The following GABRA3 variants were observed in gnomAD, a reference collection of about 807,000 sequenced individuals.
GABRA3 encodes gamma-aminobutyric acid type A receptor subunit alpha3, also known as gamma-aminobutyric acid receptor subunit alpha-3.
A neutral mutation model predicts 30.1 loss-of-function variants in GABRA3; 10 were observed. That is an observed-to-expected ratio of 0.33 (90% CI 0.20 to 0.56). The LOEUF is 0.56. GABRA3 is among the 20% of genes least tolerant of loss of function. The pLI, the probability that GABRA3 is intolerant of heterozygous loss-of-function variation, is 0.89. For missense variants in GABRA3, 233 were observed against 392.0 expected (o/e 0.59, Z 3.42); for synonymous variants, 151 against 146.8 (o/e 1.03, Z -0.21).
chrX:152,275,256 A>ATT (rs1939041908), intron 4 of GABRA3, among the ~76,000 whole-genome samples: 1 of 48,133 alleles, frequency 2.1e-5, no homozygotes, highest in African/African-American at 1.5e-4. Context: ...TATATAATAA[A>ATT]ATATATATAA....
rs761517191 is a variant in GABRA3, at chrX:152,420,768, T to C, written c.-27+30378A>G. On this transcript the variant is annotated intron_variant, in intron 1 of 9. Transcript: ENST00000370314. ...TATCCACATAGAAATGAATAACTCT[T>C]GAATACTACCACACATCATACAAAT... Among the ~76,000 whole-genome samples, 6 of 111,323 alleles carry C rather than the reference T, an allele frequency of 5.4e-5. No homozygotes were observed. In the East Asian group the frequency reaches 1.7e-3, roughly 32 times the overall value.
intron 7 of GABRA3, among the ~76,000 whole-genome samples, chrX:152,199,098 C>G (rs755479773): frequency 7.2e-5 from 8 of 111,032 alleles, no homozygotes; most frequent in African/African-American, 2.6e-4. Context: ...TGCGGTGGCT[C>G]AAGCCTGCCT....
intron 1 of GABRA3, among the ~76,000 whole-genome samples, chrX:152,414,988 A>G (rs978424697): frequency 9.1e-6 from 1 of 110,340 alleles, no homozygotes; most frequent in Non-Finnish European, 1.9e-5. Flanking sequence ...GACTAAAAAG[A>G]TTAGTGGTTG....
intron 7 of GABRA3, among the ~76,000 whole-genome samples, chrX:152,200,276 G>A (rs1222508919): frequency 1.8e-5 from 2 of 111,444 alleles, no homozygotes; most frequent in Non-Finnish European, 3.8e-5. Context: ...GGATTCCCAA[G>A]TGAGGCAATT....
At chrX:152,337,226 T>C (rs1476999276) in intron 3 of GABRA3, among the ~76,000 whole-genome samples, 1 of 111,934 alleles carries the variant, frequency 8.9e-6, no homozygotes, top group Non-Finnish European at 1.9e-5. Context: ...TTCAAATTTT[T>C]CACTCCTAGC....
At chrX:152,276,772 A>G (rs1349389390) in intron 4 of GABRA3, among the ~76,000 whole-genome samples, 1 of 107,966 alleles carries the variant, frequency 9.3e-6, no homozygotes, top group Admixed American at 9.7e-5. Flanking sequence ...TACACATGCT[A>G]TGGATGAGTT....
chrX:152,356,960 A>G (rs1940559638), intron 2 of GABRA3, among the ~76,000 whole-genome samples: 1 of 112,000 alleles, frequency 8.9e-6, no homozygotes, highest in African/African-American at 3.2e-5. Flanking sequence ...TCCATGGTGT[A>G]TATGTACCAC....
chrX:152,174,658 T>A (rs1937049413), intron 9 of GABRA3, among the ~76,000 whole-genome samples: 2 of 111,783 alleles, frequency 1.8e-5, no homozygotes, highest in African/African-American at 6.5e-5. Context: ...TTCTTGTAAA[T>A]TTGTTTGAGT....
At chrX:152,403,551 CGTGT>C (rs1246359719) in intron 1 of GABRA3, among the ~76,000 whole-genome samples, 10 of 73,716 alleles carry the variant, frequency 1.4e-4, no homozygotes, top group African/African-American at 4.0e-4. Context: ...TGTGTGCACA[CGTGT>C]GTGTATGTGC....
At chrX:152,310,461 A>C (rs1245684750) in intron 3 of GABRA3, among the ~76,000 whole-genome samples, 1 of 112,176 alleles carries the variant, frequency 8.9e-6, no homozygotes, top group Admixed American at 9.5e-5. Flanking sequence ...TAAAAATAGA[A>C]ATCAATACCA....
intron 3 of GABRA3, among the ~76,000 whole-genome samples, chrX:152,308,452 A>G (rs776065927): frequency 5.3e-5 from 6 of 112,326 alleles, no homozygotes; most frequent in African/African-American, 1.9e-4. Context: ...CAGCAGGTAC[A>G]TAAGCTTGAG....
At chrX:152,438,485 T>C (rs911568620) in intron 1 of GABRA3, among the ~76,000 whole-genome samples, 1 of 112,415 alleles carries the variant, frequency 8.9e-6, no homozygotes, top group Non-Finnish European at 1.9e-5. Context: ...TGAAAACTTA[T>C]ATCCACACAA....
intron 6 of GABRA3, among the ~76,000 whole-genome samples, chrX:152,212,394 T>G (rs1313183623): frequency 1.0e-5 from 1 of 100,398 alleles, no homozygotes; most frequent in Non-Finnish European, 2.0e-5. Flanking sequence ...GTTTTTATTA[T>G]ATAGTCCCCA....
chrX:152,232,511 A>G lies in GABRA3; in HGVS notation c.552-7666T>C, dbSNP rs1024448120. Among the ~76,000 whole-genome samples the G allele has an allele frequency of 5.1e-4, 56 of 110,071 alleles. 1 individual carries two copies. Among genetic ancestry groups the G allele is most frequent in the African/African-American group, 1.8e-3 (55 of 30,355 alleles). ...TTCCCACTTATAAACGATAACATGCAGTATTTGACTTTCTGTTTCTTAGTT... is the reference window on the plus strand; with the variant it reads ...TTCCCACTTATAAACGATAACATGCGGTATTTGACTTTCTGTTTCTTAGTT... On this transcript the variant is annotated intron_variant, in intron 5 of 9. Coordinates refer to ENST00000370314, the MANE Select transcript of GABRA3 (RefSeq NM_000808.4).
intron 5 of GABRA3, among the ~76,000 whole-genome samples, chrX:152,237,902 T>A (rs1201372668): frequency 3.6e-5 from 4 of 110,551 alleles, no homozygotes; most frequent in African/African-American, 1.3e-4. Context: ...GCTGAGACAA[T>A]GGGGTTTTCT....
chrX:152,290,829 T>A (rs1317653677), intron 3 of GABRA3, among the ~76,000 whole-genome samples: 2 of 111,792 alleles, frequency 1.8e-5, no homozygotes, highest in East Asian at 2.8e-4. Flanking sequence ...GTTGTAGATA[T>A]GTGGTGTTAT....
At chrX:152,443,195 A>T (rs977507236) in intron 1 of GABRA3, among the ~76,000 whole-genome samples, 1 of 112,169 alleles carries the variant, frequency 8.9e-6, no homozygotes, top group Non-Finnish European at 1.9e-5. Context: ...CAAAGATCAT[A>T]AATAGATGTT....
At chrX:152,411,734 A>G (rs1839103269) in intron 1 of GABRA3, among the ~76,000 whole-genome samples, 1 of 111,886 alleles carries the variant, frequency 8.9e-6, no homozygotes, top group Non-Finnish European at 1.9e-5. Flanking sequence ...GGATTCCATC[A>G]AAAACAAAAA....
At chrX:152,275,225 T>C (rs1426037799) in intron 4 of GABRA3, among the ~76,000 whole-genome samples, 1 of 59,506 alleles carries the variant, frequency 1.7e-5, no homozygotes, top group Non-Finnish European at 2.8e-5. Context: ...TATATATATA[T>C]AATTTATATA....
Sources: gnomAD v4.1 joint callset for allele counts (sites outside exome capture counted in the v4.1 genomes callset) on GRCh38, gnomAD v4.1.1 for gene constraint, MANE v1.5 for transcripts, NCBI Gene and HGNC (gene_info 2026-07-23, HGNC 2026-07-21) for gene names.